Variants in CDH13 observed in about 807,000 individuals in gnomAD.
The protein encoded by CDH13 is cadherin 13, also known as cadherin-13.
A neutral mutation model predicts 63.8 loss-of-function variants in CDH13; 24 were observed. The observed-to-expected ratio is 0.38, with a 90% confidence interval of 0.27 to 0.53. CDH13 has a LOEUF of 0.53. Ranked by LOEUF, CDH13 falls within the 20% of genes least tolerant of loss-of-function variation. The pLI is 0.85. For synonymous variants in CDH13, 503 were observed against 355.3 expected (o/e 1.42, Z -4.67); for missense variants, 1,049 against 903.1 (o/e 1.16, Z -2.07).
chr16:82,810,661 G>A (rs2037398062), intron 1 of CDH13, among the ~76,000 whole-genome samples: 1 of 152,138 alleles, frequency 6.6e-6, no homozygotes, highest in African/African-American at 2.4e-5. Flanking sequence ...GGCTGGTCAA[G>A]GGATTACCAG....
At position 83,745,667 on chromosome 16, in the gene CDH13, C is replaced by T. The variant is rs1827882180; in HGVS notation, c.1539-2441C>T. ...CAACAACCCAAGTTGACCATCCCTT[C>T]TTCAGTGACCACAGCCTCCCCCAGG... On this transcript the variant is annotated intron_variant, in intron 10 of 13. Transcript: ENST00000567109. Among the ~76,000 whole-genome samples the T allele has an allele frequency of 3.9e-5, 6 of 152,212 alleles. No homozygotes were observed. The South Asian group carries it at 1.2e-3, about 31-fold the overall frequency.
chr16:82,956,597 T>A (rs887467803), intron 2 of CDH13, among the ~76,000 whole-genome samples: 8 of 152,156 alleles, frequency 5.3e-5, no homozygotes, highest in African/African-American at 1.9e-4. Flanking sequence ...TTAAGTCCAT[T>A]TTCTTTAATA....
chr16:82,683,718 C>G (rs909310169), intron 1 of CDH13, among the ~76,000 whole-genome samples: 2 of 152,172 alleles, frequency 1.3e-5, no homozygotes, highest in African/African-American at 2.4e-5. Context: ...CCAAGCTATC[C>G]ACACCATCTA....
At chr16:83,334,341 CCTCTCTCT>C (rs370037527) in intron 5 of CDH13, among the ~76,000 whole-genome samples, 5 of 109,168 alleles carry the variant, frequency 4.6e-5, no homozygotes, top group South Asian at 3.8e-4. Context: ...TCCCTTTCTC[CCTCTCTCT>C]CTCTCTCTCT....
intron 5 of CDH13, among the ~76,000 whole-genome samples, chr16:83,320,291 C>G (rs1285865461): frequency 1.3e-5 from 2 of 152,006 alleles, no homozygotes; most frequent in Admixed American, 6.6e-5. Flanking sequence ...AGTGATCCTT[C>G]CAACTCGGCC....
chr16:83,646,395 C>G (rs531975388), intron 8 of CDH13, among the ~76,000 whole-genome samples: 3 of 152,296 alleles, frequency 2.0e-5, no homozygotes, highest in Non-Finnish European at 1.5e-5. Flanking sequence ...CAGGGCTCAA[C>G]TTTCTTTAGA....
At chr16:83,498,500 A>C (rs2074199150) in intron 7 of CDH13, among the ~76,000 whole-genome samples, 1 of 152,220 alleles carries the variant, frequency 6.6e-6, no homozygotes, top group South Asian at 2.1e-4. Context: ...AAGAAACTGA[A>C]AGAACAGTGT....
At chr16:83,622,676 C>A (rs1194338298) in intron 8 of CDH13, among the ~76,000 whole-genome samples, 3 of 152,160 alleles carry the variant, frequency 2.0e-5, no homozygotes, top group Non-Finnish European at 4.4e-5. Flanking sequence ...TTACATTAGC[C>A]CGCTCTCGCT....
intron 7 of CDH13, among the ~76,000 whole-genome samples, chr16:83,584,302 C>T (rs1567784502): frequency 6.6e-6 from 1 of 152,138 alleles, no homozygotes; most frequent in Non-Finnish European, 1.5e-5. Flanking sequence ...GCACTCCAGC[C>T]CGGGCAATAG....
chr16:83,560,552 A>T (rs2075684931), intron 7 of CDH13, among the ~76,000 whole-genome samples: 1 of 152,166 alleles, frequency 6.6e-6, no homozygotes, highest in Non-Finnish European at 1.5e-5. Flanking sequence ...CAACAGTACA[A>T]AGTTTCATTT....
chr16:83,240,715 A>ACCTTT lies in CDH13; in HGVS notation c.636+23218_636+23219insCCTTT, dbSNP rs1567531884. ...ACATGACTTTAAATTTACTGTCTTA[A>ACCTTT]TCTTTTTTTTTTTTTTTTTTTTTTT... On this transcript the variant is annotated intron_variant, in intron 5 of 13. Transcript: ENST00000567109. Among the ~76,000 whole-genome samples the ACCTTT allele has an allele frequency of 1.8e-4, 9 of 49,524 alleles. 3 individuals carry two copies. Among genetic ancestry groups the ACCTTT allele is most frequent in the Non-Finnish European group, 1.7e-4 (4 of 23,720 alleles). The allele number at this position is 49,524 out of a possible 152,430, so 32.5% of individuals were successfully genotyped here.
intron 8 of CDH13, among the ~76,000 whole-genome samples, chr16:83,649,245 G>A (rs1041345070): frequency 4.6e-5 from 7 of 152,242 alleles, no homozygotes; most frequent in Non-Finnish European, 7.3e-5. Flanking sequence ...ACCCAATGAG[G>A]ATTTTGGAAC....
At chr16:83,002,581 C>G (rs769171874) in intron 2 of CDH13, among the ~76,000 whole-genome samples, 41 of 152,230 alleles carry the variant, frequency 2.7e-4, no homozygotes, top group Non-Finnish European at 4.4e-4. Flanking sequence ...TGTTCATTCT[C>G]GCTTGGTGCA....
intron 6 of CDH13, among the ~76,000 whole-genome samples, chr16:83,351,014 T>C (rs2090940820): frequency 6.6e-6 from 1 of 152,222 alleles, no homozygotes; most frequent in African/African-American, 2.4e-5. Flanking sequence ...CAGCTTGAGC[T>C]AAATAAAGAT....
At chr16:82,740,948 G>A (rs770626696) in intron 1 of CDH13, among the ~76,000 whole-genome samples, 16 of 152,176 alleles carry the variant, frequency 1.1e-4, no homozygotes, top group Non-Finnish European at 2.1e-4. Context: ...TTTAAAAGGG[G>A]TTACCTCCTT....
At chr16:83,603,604 C>T (rs1167478427) in intron 8 of CDH13, among the ~76,000 whole-genome samples, 3 of 152,132 alleles carry the variant, frequency 2.0e-5, no homozygotes, top group Admixed American at 2.0e-4. Flanking sequence ...TTCCAACCTC[C>T]AGGGTGTTTG....
chr16:82,788,035 T>G (rs546222028), intron 1 of CDH13, among the ~76,000 whole-genome samples: 84 of 152,318 alleles, frequency 5.5e-4, no homozygotes, highest in African/African-American at 1.9e-3. Flanking sequence ...TTTAAAATCA[T>G]CTTCAAGAAG....
At chr16:83,590,903 C>CTTT (rs34324940) in intron 7 of CDH13, among the ~76,000 whole-genome samples, 236 of 88,790 alleles carry the variant, frequency 2.7e-3, no homozygotes, top group East Asian at 5.7e-3. Flanking sequence ...CCAGGGGATT[C>CTTT]TTTTTTTTTT....
chr16:83,463,368 G>A (rs1157553408), intron 6 of CDH13, among the ~76,000 whole-genome samples: 1 of 152,202 alleles, frequency 6.6e-6, no homozygotes, highest in Non-Finnish European at 1.5e-5. Flanking sequence ...TCCAGGGACT[G>A]GCTGGGGGCT....
Sources: gnomAD v4.1 joint callset for allele counts (sites outside exome capture counted in the v4.1 genomes callset) on GRCh38, gnomAD v4.1.1 for gene constraint, MANE v1.5 for transcripts, NCBI Gene and HGNC (gene_info 2026-07-23, HGNC 2026-07-21) for gene names.